CCSER1: variants seen among roughly 807,000 people sequenced by gnomAD.
CCSER1 encodes the protein serine-rich coiled-coil domain-containing protein 1.
CCSER1 carries 41 observed loss-of-function variants against 82.0 expected under a neutral mutation model. The ratio of observed to expected loss-of-function variants is 0.50; its 90% confidence interval spans 0.39 to 0.65. The LOEUF (loss-of-function observed/expected upper bound fraction) is 0.65. Ranked by LOEUF, CCSER1 falls within the 30% of genes least tolerant of loss-of-function variation. The pLI is 0.00. For missense variants in CCSER1, 1,119 were observed against 1,064.2 expected (o/e 1.05, Z -0.72); for synonymous variants, 414 against 383.9 (o/e 1.08, Z -0.92).
At chr4:90,816,048 T>A (rs1301842186) in intron 8 of CCSER1, among the ~76,000 whole-genome samples, 1 of 152,196 alleles carries the variant, frequency 6.6e-6, no homozygotes, top group Non-Finnish European at 1.5e-5. Context: ...TTATAATATA[T>A]GTGGAAATGT....
At chr4:90,743,318 A>C (rs2149449682) in intron 7 of CCSER1, among the ~76,000 whole-genome samples, 1 of 152,216 alleles carries the variant, frequency 6.6e-6, no homozygotes, top group Middle Eastern at 3.4e-3. Flanking sequence ...TAATAGCAAA[A>C]ATTTTGAAGA....
chr4:91,054,439 A>G (rs941047164), intron 9 of CCSER1, among the ~76,000 whole-genome samples: 30 of 152,046 alleles, frequency 2.0e-4, no homozygotes, highest in Admixed American at 1.3e-4. Context: ...TGGTTTATTG[A>G]GCCTTTTATT....
intron 10 of CCSER1, among the ~76,000 whole-genome samples, chr4:91,503,210 C>T (rs959975313): frequency 2.6e-5 from 4 of 151,542 alleles, no homozygotes; most frequent in African/African-American, 9.7e-5. Flanking sequence ...GGCGTGGTGG[C>T]GGGCGCCTGT....
At chr4:91,354,598 G>T (rs1308071887) in intron 10 of CCSER1, among the ~76,000 whole-genome samples, 1 of 152,164 alleles carries the variant, frequency 6.6e-6, no homozygotes, top group Non-Finnish European at 1.5e-5. Context: ...CAACTAAACC[G>T]CCTTACAGGA....
chr4:90,162,442 T>C (rs1729629526), intron 1 of CCSER1, among the ~76,000 whole-genome samples: 1 of 152,150 alleles, frequency 6.6e-6, no homozygotes, highest in Admixed American at 6.6e-5. Flanking sequence ...CAAATAAGTA[T>C]ATAAAAATTA....
chr4:91,000,486 T>C (rs1357747991), intron 9 of CCSER1, among the ~76,000 whole-genome samples: 2 of 152,130 alleles, frequency 1.3e-5, no homozygotes, highest in African/African-American at 4.8e-5. Flanking sequence ...TTGATAGGAA[T>C]AGCATTGATC....
chr4:90,573,826 A>T (rs111741846), intron 5 of CCSER1, among the ~76,000 whole-genome samples: 10 of 152,298 alleles, frequency 6.6e-5, no homozygotes, highest in Non-Finnish European at 1.2e-4. Context: ...ACCTGCTTCT[A>T]TGTGAGCACC....
At chr4:90,811,969 C>T (rs7699498) in intron 7 of CCSER1, among the ~76,000 whole-genome samples, 35 of 131,790 alleles carry the variant, frequency 2.7e-4, no homozygotes, top group East Asian at 6.9e-4. Flanking sequence ...TATATATACA[C>T]ATATATATAT....
At chr4:90,528,818 C>G (rs998865377) in intron 5 of CCSER1, among the ~76,000 whole-genome samples, 1 of 152,094 alleles carries the variant, frequency 6.6e-6, no homozygotes, top group African/African-American at 2.4e-5. Context: ...ATTAGGTCAC[C>G]TTGTCTGTTT....
chr4:90,949,307 T>C (rs1732629788), intron 9 of CCSER1, among the ~76,000 whole-genome samples: 1 of 152,034 alleles, frequency 6.6e-6, no homozygotes. Context: ...TTCTTTACCC[T>C]TAAGAAGAAT....
intron 9 of CCSER1, among the ~76,000 whole-genome samples, chr4:90,978,511 T>G (rs2150414795): frequency 6.6e-6 from 1 of 150,996 alleles, no homozygotes; most frequent in South Asian, 2.1e-4. Context: ...TGCAGTTAAT[T>G]AATGTATTTA....
chr4:91,587,101 G>A (rs1380497773), intron 10 of CCSER1, among the ~76,000 whole-genome samples: 2 of 151,594 alleles, frequency 1.3e-5, no homozygotes, highest in Admixed American at 6.6e-5. Context: ...AGTTATTTGT[G>A]GGAAATTGCC....
intron 10 of CCSER1, among the ~76,000 whole-genome samples, chr4:91,442,363 C>A (rs1185797514): frequency 6.6e-6 from 1 of 151,914 alleles, no homozygotes; most frequent in African/African-American, 2.4e-5. Flanking sequence ...CAAAAACAAG[C>A]AATGGGGAAA....
intron 1 of CCSER1, among the ~76,000 whole-genome samples, chr4:90,149,564 A>G (rs150230135): frequency 2.0e-5 from 3 of 152,304 alleles, no homozygotes; most frequent in East Asian, 1.9e-4. Flanking sequence ...TACTTAAAAA[A>G]TGTGTTAATC....
intron 8 of CCSER1, among the ~76,000 whole-genome samples, chr4:90,865,391 C>A (rs1243002215): frequency 6.6e-6 from 1 of 151,888 alleles, no homozygotes; most frequent in Non-Finnish European, 1.5e-5. Context: ...ACCTTTTGAG[C>A]AATGAAAAGA....
intron 6 of CCSER1, among the ~76,000 whole-genome samples, chr4:90,665,161 A>G (rs1172545157): frequency 6.6e-6 from 1 of 152,138 alleles, no homozygotes; most frequent in Non-Finnish European, 1.5e-5. Flanking sequence ...GATATAGTAT[A>G]TCTATAGTAG....
At chr4:91,432,373 ACT>A (rs1421096737) in intron 10 of CCSER1, among the ~76,000 whole-genome samples, 1 of 152,136 alleles carries the variant, frequency 6.6e-6, no homozygotes, top group Non-Finnish European at 1.5e-5. Flanking sequence ...ATAATGAATA[ACT>A]CTCGATGTGT....
intron 10 of CCSER1, among the ~76,000 whole-genome samples, chr4:91,445,264 C>T (rs1003098873): frequency 8.6e-5 from 13 of 151,862 alleles, no homozygotes; most frequent in African/African-American, 3.1e-4. Flanking sequence ...TAAGATATTT[C>T]ATCTATTTTT....
At chr4:90,770,166 T>C (rs1423374309) in intron 7 of CCSER1, among the ~76,000 whole-genome samples, 3 of 152,160 alleles carry the variant, frequency 2.0e-5, no homozygotes, top group Non-Finnish European at 4.4e-5. Flanking sequence ...CCAGTGGATC[T>C]GTAGCTGAGA....
Sources: allele counts gnomAD v4.1 joint callset (sites outside exome capture counted in the v4.1 genomes callset), GRCh38; gene constraint gnomAD v4.1.1; transcripts MANE v1.5; gene names NCBI Gene and HGNC (gene_info 2026-07-23, HGNC 2026-07-21).